FRAS1: variants seen among roughly 807,000 people sequenced by gnomAD.
The protein encoded by FRAS1 is Fraser extracellular matrix complex subunit 1.
In FRAS1, 290 loss-of-function variants were observed where a neutral mutation model predicts 435.2. The ratio of observed to expected loss-of-function variants is 0.67; its 90% confidence interval spans 0.61 to 0.73. The LOEUF is 0.73. Ranked by LOEUF, FRAS1 falls within the 30% of genes least tolerant of loss-of-function variation. FRAS1 has a pLI of 0.00. For missense variants in FRAS1, 4,860 were observed against 5,001.5 expected (o/e 0.97, Z 0.85); for synonymous variants, 1,800 against 1,851.0 (o/e 0.97, Z 0.71).
Position 78,145,880 on chromosome 4 carries a change from T to C in FRAS1, c.108+79864T>C, listed in dbSNP as rs376880528. Among the ~76,000 whole-genome samples, 39 of 152,292 alleles carry C rather than the reference T, an allele frequency of 2.6e-4. 2 individuals carry two copies. The highest frequency in any genetic ancestry group is 8.9e-4 in the African/African-American group (37 of 41,564). ...ATAGTAAGTGAGTTCTCACGAGGTCTGATGATTTTATAAACATCTGGCTTT... is the reference window on the plus strand; with the variant it reads ...ATAGTAAGTGAGTTCTCACGAGGTCCGATGATTTTATAAACATCTGGCTTT... On this transcript the variant is annotated intron_variant, in intron 2 of 73. Coordinates refer to ENST00000512123, the MANE Select transcript of FRAS1 (RefSeq NM_025074.7).
intron 2 of FRAS1, among the ~76,000 whole-genome samples, chr4:78,222,164 G>A (rs930257717): frequency 3.9e-5 from 6 of 152,210 alleles, no homozygotes; most frequent in Middle Eastern, 6.8e-3. Context: ...GAAGAGTTAC[G>A]GAGTTATCAA....
chr4:78,542,065 G>A lies in FRAS1; in HGVS notation c.*941G>A, dbSNP rs1169821201. The A allele has an allele frequency of 6.6e-6, 1 of 152,186 alleles. No homozygotes were observed. Among genetic ancestry groups the A allele is most frequent in the African/African-American group, 2.4e-5 (1 of 41,424 alleles). 9.4% of individuals were successfully genotyped at this position (152,186 alleles called of 1,614,324 possible). ...CAGACAATCCCATGTCCTAGGTATG[G>A]TTTTTTATTCTGTTAGTGCTTCGGG... On this transcript the variant is annotated 3_prime_UTR_variant, in exon 74 of 74. Transcript: ENST00000512123.
At chr4:78,530,166 G>A (rs367943704) in intron 70 of FRAS1, among the ~76,000 whole-genome samples, 1 of 151,856 alleles carries the variant, frequency 6.6e-6, no homozygotes, top group African/African-American at 2.4e-5. Context: ...ATATATCTCG[G>A]TGCACATGTG....
intron 2 of FRAS1, among the ~76,000 whole-genome samples, chr4:78,104,136 T>C (rs1452910199): frequency 6.6e-6 from 1 of 152,216 alleles, no homozygotes; most frequent in East Asian, 1.9e-4. Context: ...CTTCCAGGAA[T>C]GTTTGTGGCA....
At chr4:78,317,201 C>T (rs911758468) in intron 16 of FRAS1, among the ~76,000 whole-genome samples, 167 bp from the exon 17 acceptor site, 2 of 152,170 alleles carry the variant, frequency 1.3e-5, no homozygotes, top group East Asian at 3.8e-4. Context: ...GGTAAACGGC[C>T]ATGTGGGCAG....
intron 20 of FRAS1, among the ~76,000 whole-genome samples, chr4:78,358,595 T>C (rs1187574650): frequency 1.3e-5 from 2 of 152,236 alleles, no homozygotes; most frequent in Non-Finnish European, 2.9e-5. Context: ...TATGTGTTTA[T>C]AATAATTAAT....
chr4:78,492,802 C>A (rs1170214928), intron 59 of FRAS1, among the ~76,000 whole-genome samples: 1 of 152,186 alleles, frequency 6.6e-6, no homozygotes, highest in Non-Finnish European at 1.5e-5. Flanking sequence ...CCAAAATTGA[C>A]AAATGGGATC....
chr4:78,508,665 A>T (rs1194004927), intron 62 of FRAS1, 66 bp from the exon 63 acceptor site: 1 of 1,541,500 alleles, frequency 6.5e-7, no homozygotes, highest in Non-Finnish European at 8.9e-7. Context: ...CTCTAAAGAA[A>T]GGGGGCTTAG....
At chr4:78,339,652 A>G (rs1052684434) in intron 20 of FRAS1, among the ~76,000 whole-genome samples, 7 of 152,214 alleles carry the variant, frequency 4.6e-5, no homozygotes, top group African/African-American at 7.2e-5. Context: ...TGGGCCATTC[A>G]TGACTAGTGA....
In FRAS1 at chr4:78,323,287, A is replaced by G. The variant is rs199844867; in HGVS notation, c.2137+4301A>G. Among the ~76,000 whole-genome samples, 5 of 152,348 alleles carry G rather than the reference A, an allele frequency of 3.3e-5. No homozygotes were observed. In the East Asian group the frequency reaches 7.7e-4, roughly 24 times the overall value. ...TAATCAGTCCGAATTGTGCACATTTATTAAATATTACTACTGAGTATTAGC... is the reference window on the plus strand; with the variant it reads ...TAATCAGTCCGAATTGTGCACATTTGTTAAATATTACTACTGAGTATTAGC... On this transcript the variant is annotated intron_variant, in intron 18 of 73. Coordinates refer to ENST00000512123, the MANE Select transcript of FRAS1 (RefSeq NM_025074.7).
At chr4:78,404,595 C>T (rs1238167573) in intron 30 of FRAS1, among the ~76,000 whole-genome samples, 2 of 152,138 alleles carry the variant, frequency 1.3e-5, no homozygotes, top group Non-Finnish European at 2.9e-5. Context: ...CCAGTAGTGG[C>T]ATCCAGTCAT....
chr4:78,356,354 C>G (rs1010358320), intron 20 of FRAS1, among the ~76,000 whole-genome samples: 7 of 152,144 alleles, frequency 4.6e-5, no homozygotes, highest in African/African-American at 1.4e-4. Context: ...CTTTTCCCCC[C>G]TCTAACAACT....
In FRAS1 at chr4:78,513,566, G is replaced by A. The variant is rs768390364; in HGVS notation, c.10174+14G>A. 1.2e-6 allele frequency: 2 copies of A among 1,611,254 alleles called. No individual in the cohort carries two copies. The highest frequency in any genetic ancestry group is 2.2e-5 in the South Asian group (2 of 90,926). ...GAGGCATCTCAGGTGAGATTGACAA[G>A]TTCAGGACTGGTCTTTCCATGCTAG... On this transcript the variant is annotated intron_variant, in intron 65 of 73. Coordinates refer to ENST00000512123, the MANE Select transcript of FRAS1 (RefSeq NM_025074.7).
chr4:78,370,443 A>G (rs116542903), intron 23 of FRAS1, among the ~76,000 whole-genome samples: 5,213 of 152,258 alleles, frequency 0.034, 308 homozygotes, highest in African/African-American at 0.12. Context: ...AAGCTCTAGT[A>G]ATGTTGGATA....
intron 38 of FRAS1, among the ~76,000 whole-genome samples, chr4:78,437,568 T>G (rs1040440380): frequency 1.3e-5 from 2 of 152,222 alleles, no homozygotes; most frequent in African/African-American, 4.8e-5. Flanking sequence ...TTGATAGGTC[T>G]CTGGGGATAG....
intron 70 of FRAS1, among the ~76,000 whole-genome samples, chr4:78,527,675 T>C (rs767643676): frequency 6.6e-6 from 1 of 152,058 alleles, no homozygotes; most frequent in Non-Finnish European, 1.5e-5. Context: ...ACAAGCCTGA[T>C]TGGGGTGAGC....
intron 59 of FRAS1, among the ~76,000 whole-genome samples, chr4:78,489,660 T>A (rs577142370): frequency 6.6e-6 from 1 of 152,288 alleles, no homozygotes; most frequent in South Asian, 2.1e-4. Flanking sequence ...ACACATATCA[T>A]TGGTTGATCT....
chr4:78,209,252 A>G (rs184044554), intron 2 of FRAS1, among the ~76,000 whole-genome samples: 11 of 152,280 alleles, frequency 7.2e-5, no homozygotes, highest in Non-Finnish European at 1.3e-4. Flanking sequence ...TACCCATTAT[A>G]TATGTACGTC....
chr4:78,267,799 G>A (rs1387935670), intron 9 of FRAS1, among the ~76,000 whole-genome samples: 3 of 152,244 alleles, frequency 2.0e-5, no homozygotes, highest in Non-Finnish European at 4.4e-5. Context: ...GTCCACAGGT[G>A]TGCTGGTGGC....
Sources: gnomAD v4.1 joint callset for allele counts (sites outside exome capture counted in the v4.1 genomes callset) on GRCh38, gnomAD v4.1.1 for gene constraint, MANE v1.5 for transcripts, NCBI Gene and HGNC (gene_info 2026-07-23, HGNC 2026-07-21) for gene names.